AUTS2: variants seen among roughly 807,000 people sequenced by gnomAD.
AUTS2 encodes the protein activator of transcription and developmental regulator AUTS2, also known as autism susceptibility gene 2 protein.
In AUTS2, 17 loss-of-function variants were observed where a neutral mutation model predicts 112.4. That is an observed-to-expected ratio of 0.15 (90% CI 0.10 to 0.23). The LOEUF is 0.23. Ranked by LOEUF, AUTS2 falls within the 10% of genes least tolerant of loss-of-function variation. AUTS2 has a pLI of 1.00. For missense variants in AUTS2, 1,510 were observed against 1,701.6 expected, an observed-to-expected ratio of 0.89 and a Z score of 1.98; for synonymous variants, 751 against 702.7, an observed-to-expected ratio of 1.07 and a Z score of -1.09.
intron 4 of AUTS2, among the ~76,000 whole-genome samples, chr7:70,429,349 G>A (rs1330467616): frequency 1.3e-5 from 2 of 152,212 alleles, no homozygotes; most frequent in Non-Finnish European, 2.9e-5. Flanking sequence ...GGCAAACAAC[G>A]GCAGTACAGT....
intron 1 of AUTS2, among the ~76,000 whole-genome samples, chr7:69,633,882 T>A (rs753826367): frequency 6.6e-6 from 1 of 152,150 alleles, no homozygotes; most frequent in Non-Finnish European, 1.5e-5. Context: ...AATATTGTCT[T>A]CCAATTTGTA....
intron 2 of AUTS2, among the ~76,000 whole-genome samples, chr7:70,029,754 G>A (rs1211812999): frequency 6.6e-6 from 1 of 152,140 alleles, no homozygotes; most frequent in Admixed American, 6.6e-5. Flanking sequence ...TTTTGCTACA[G>A]AGGGAAAAAT....
intron 6 of AUTS2, among the ~76,000 whole-genome samples, chr7:70,716,205 C>G (rs10258006): frequency 0.8 from 122,113 of 152,174 alleles, 49,339 homozygotes; most frequent in East Asian, 1. Context: ...TAGCCAGGTC[C>G]GTCTATTACC....
In AUTS2 at chr7:70,787,270, C is replaced by T. The variant is rs763907536; in HGVS notation, c.2370C>T (p.His790=). The T allele has an allele frequency of 9.9e-6, 16 of 1,614,232 alleles. No individual in the cohort carries two copies. The highest frequency in any genetic ancestry group is 9.9e-5 in the South Asian group (9 of 91,082). ...GPSVQNFSNP[H]EPWNRLHRTP... is the part of the protein sequence containing the mutation. Reference sequence around the variant, plus strand: ...GTGTGCAGAACTTTAGCAACCCTCACGAACCCTGGAACCGGCTGCACCGAA... The same window carrying T: ...GTGTGCAGAACTTTAGCAACCCTCATGAACCCTGGAACCGGCTGCACCGAA... The change falls in exon 18 of 19, where the codon CAC becomes CAT. Residue 790 remains histidine (H), a synonymous_variant. Transcript: ENST00000342771.
chr7:70,741,880 CA>C (rs1457080949), intron 6 of AUTS2, among the ~76,000 whole-genome samples: 2 of 152,132 alleles, frequency 1.3e-5, no homozygotes, highest in Non-Finnish European at 2.9e-5. Context: ...GAATGTGCTA[CA>C]CTCGTAGCAC....
rs73440770 is a variant in AUTS2 at position 70,384,876 on chromosome 7, G to A, written c.661-50876G>A. On this transcript the variant is annotated intron_variant, in intron 4 of 18. Coordinates refer to ENST00000342771, the MANE Select transcript of AUTS2 (RefSeq NM_015570.4). ...GAGATATTAATAAAGTCCTTGAACC[G>A]AGTGTGAAGGGGCTTGGTATCACTA... Among the ~76,000 whole-genome samples the A allele has an allele frequency of 5.7e-3, 874 of 152,246 alleles. 9 individuals are homozygous for A. Among genetic ancestry groups the A allele is most frequent in the African/African-American group, 0.02 (826 of 41,540 alleles).
In AUTS2 at chr7:70,328,854, A is replaced by G. The variant is rs190559522; in HGVS notation, c.661-106898A>G. 1.5e-3 allele frequency among the ~76,000 whole-genome samples: 224 copies of G among 152,354 alleles called. 1 individual carries two copies. Among genetic ancestry groups the G allele is most frequent in the African/African-American group, 4.9e-3 (205 of 41,580 alleles). On this transcript the variant is annotated intron_variant, in intron 4 of 18. Coordinates refer to ENST00000342771, the MANE Select transcript of AUTS2 (RefSeq NM_015570.4). Reference sequence around the variant, plus strand: ...GTTCAGTAGGATTTAGTATATCCACAGTGTTTTACAACCACTGCTTCTATC... The same window carrying G: ...GTTCAGTAGGATTTAGTATATCCACGGTGTTTTACAACCACTGCTTCTATC...
At chr7:70,645,979 G>T (rs117242189) in intron 5 of AUTS2, among the ~76,000 whole-genome samples, 1 of 151,996 alleles carries the variant, frequency 6.6e-6, no homozygotes, top group Non-Finnish European at 1.5e-5. Flanking sequence ...GCATCCGTGC[G>T]TCTAACCCAT....
chr7:69,613,995 G>T (rs1045887970), intron 1 of AUTS2, among the ~76,000 whole-genome samples: 14 of 152,136 alleles, frequency 9.2e-5, no homozygotes, highest in African/African-American at 3.4e-4. Context: ...GTTAAGGTTT[G>T]TTTATGCTAC....
chr7:70,670,504 C>G (rs1209795808), intron 5 of AUTS2, among the ~76,000 whole-genome samples: 1 of 152,186 alleles, frequency 6.6e-6, no homozygotes, highest in Non-Finnish European at 1.5e-5. Context: ...TCGAGTTGAG[C>G]AGAGTACTTG....
chr7:70,083,680 C>T (rs1202177430), intron 2 of AUTS2, among the ~76,000 whole-genome samples: 3 of 152,168 alleles, frequency 2.0e-5, no homozygotes, highest in African/African-American at 7.2e-5. Flanking sequence ...GGTGTGATGG[C>T]TTACACCTGT....
chr7:69,983,353 T>G (rs1798374166), intron 2 of AUTS2, among the ~76,000 whole-genome samples: 2 of 151,618 alleles, frequency 1.3e-5, no homozygotes. Flanking sequence ...TTTTTTTTTT[T>G]GCCATGAAAG....
At chr7:69,872,400 T>C (rs1450843084) in intron 1 of AUTS2, among the ~76,000 whole-genome samples, 1 of 152,244 alleles carries the variant, frequency 6.6e-6, no homozygotes, top group Non-Finnish European at 1.5e-5. Context: ...TCTTGTCATG[T>C]TGGATATGTC....
At chr7:70,483,540 C>T (rs549100917) in intron 5 of AUTS2, among the ~76,000 whole-genome samples, 13 of 152,308 alleles carry the variant, frequency 8.5e-5, no homozygotes, top group African/African-American at 2.9e-4. Context: ...GTGAGCAACC[C>T]GTGTGCTTAG....
intron 5 of AUTS2, among the ~76,000 whole-genome samples, chr7:70,611,570 A>T (rs910251766): frequency 2.0e-5 from 3 of 152,234 alleles, no homozygotes; most frequent in Non-Finnish European, 4.4e-5. Flanking sequence ...TTGCAGTCAA[A>T]CATAATCCTA....
In AUTS2 at chr7:70,571,145, C is replaced by T. The variant is rs11768978; in HGVS notation, c.691-127424C>T. On this transcript the variant is annotated intron_variant, in intron 5 of 18. Transcript: ENST00000342771. ...ATTGTTATCAGCATTGACCCAAACCCTTTGAGCTAGATGAGCAATAAAGAT... is the reference window on the plus strand; with the variant it reads ...ATTGTTATCAGCATTGACCCAAACCTTTTGAGCTAGATGAGCAATAAAGAT... Among the ~76,000 whole-genome samples the T allele has an allele frequency of 7.5e-3, 1,146 of 152,274 alleles. 10 individuals are homozygous for T. Among genetic ancestry groups the T allele is most frequent in the Non-Finnish European group, 0.013 (893 of 68,010 alleles).
chr7:70,653,099 T>TA (rs1343435008), intron 5 of AUTS2, among the ~76,000 whole-genome samples: 9 of 151,896 alleles, frequency 5.9e-5, no homozygotes, highest in Admixed American at 4.6e-4. Flanking sequence ...TACAAAAAAA[T>TA]AAAAAATCAA....
At chr7:70,638,139 C>T (rs978412966) in intron 5 of AUTS2, among the ~76,000 whole-genome samples, 2 of 152,048 alleles carry the variant, frequency 1.3e-5, no homozygotes, top group African/African-American at 4.8e-5. Flanking sequence ...CTTTCATTAC[C>T]GAAACTCCCC....
chr7:70,606,386 A>G (rs1803765289), intron 5 of AUTS2, among the ~76,000 whole-genome samples: 1 of 152,210 alleles, frequency 6.6e-6, no homozygotes, highest in African/African-American at 2.4e-5. Context: ...AATTACATTA[A>G]TGATGAACTT....
Sources: gnomAD v4.1 joint callset for allele counts (sites outside exome capture counted in the v4.1 genomes callset) on GRCh38, gnomAD v4.1.1 for gene constraint, MANE v1.5 for transcripts, NCBI Gene and HGNC (gene_info 2026-07-23, HGNC 2026-07-21) for gene names.